The following ABHD18 variants were observed in gnomAD, a reference collection of about 807,000 sequenced individuals.
ABHD18 encodes the protein cardiolipin-specific deacylase, mitochondrial.
In ABHD18, 55 loss-of-function variants were observed where a neutral mutation model predicts 65.9. That is an observed-to-expected ratio of 0.84 (90% CI 0.67 to 1.05). ABHD18 has a LOEUF of 1.05. Ranked by LOEUF, ABHD18 falls within the 50% of genes least tolerant of loss-of-function variation. ABHD18 has a pLI of 0.00. For synonymous variants in ABHD18, 181 were observed against 180.2 expected, an observed-to-expected ratio of 1.00 and a Z score of -0.04; for missense variants, 533 against 558.5, an observed-to-expected ratio of 0.95 and a Z score of 0.46.
At chr4:127,969,935 G>C (rs1016921923) in intron 1 of ABHD18, among the ~76,000 whole-genome samples, 2 of 151,956 alleles carry the variant, frequency 1.3e-5, no homozygotes, top group Admixed American at 1.3e-4. Context: ...TTTTTGTAGA[G>C]ACAGGGTCTC....
At chr4:128,032,475 A>C (rs925088031) in intron 12 of ABHD18, among the ~76,000 whole-genome samples, 9 of 152,202 alleles carry the variant, frequency 5.9e-5, no homozygotes, top group African/African-American at 9.6e-5. Flanking sequence ...TCATGACATC[A>C]GGAGTTCGAG....
chr4:127,971,536 G>T (rs139128790), intron 1 of ABHD18, among the ~76,000 whole-genome samples: 62 of 123,064 alleles, frequency 5.0e-4, no homozygotes, highest in African/African-American at 1.9e-3. Flanking sequence ...TGTCGCTCAG[G>T]CTGGAGTGCA....
intron 1 of ABHD18, among the ~76,000 whole-genome samples, chr4:127,981,630 C>T (rs11942042): frequency 0.026 from 3,987 of 152,186 alleles, 155 homozygotes; most frequent in African/African-American, 0.091. Context: ...TGGTGAACTG[C>T]ACTCAACACT....
chr4:128,032,216 C>G (rs1758315829), intron 12 of ABHD18, among the ~76,000 whole-genome samples: 1 of 152,118 alleles, frequency 6.6e-6, no homozygotes, highest in African/African-American at 2.4e-5. Flanking sequence ...GTTATTATCC[C>G]CTTTACACAG....
intron 12 of ABHD18, chr4:128,030,909 C>T (rs1758115295): frequency 3.4e-6 from 4 of 1,189,714 alleles, no homozygotes; most frequent in Non-Finnish European, 4.2e-6. Flanking sequence ...TATCGTGTGG[C>T]TTTCCCCTCT....
chr4:127,966,962 C>G (rs554973975), intron 1 of ABHD18, among the ~76,000 whole-genome samples: 2 of 151,012 alleles, frequency 1.3e-5, no homozygotes, highest in South Asian at 4.2e-4. Context: ...ATATTTTGTA[C>G]TTGGATTCAG....
chr4:127,992,155 T>A (rs1026418610), intron 4 of ABHD18, among the ~76,000 whole-genome samples: 1 of 152,056 alleles, frequency 6.6e-6, no homozygotes, highest in Admixed American at 6.6e-5. Context: ...AACACTTATC[T>A]GGTAGGGTTG....
At chr4:128,005,376 C>T in intron 4 of ABHD18, among the ~76,000 whole-genome samples, 1 of 152,216 alleles carries the variant, frequency 6.6e-6, no homozygotes, top group Non-Finnish European at 1.5e-5. Context: ...TAGAGGTCAT[C>T]TAGTTTATTA....
chr4:127,994,872 A>G (rs947323486), intron 4 of ABHD18, among the ~76,000 whole-genome samples: 1 of 151,976 alleles, frequency 6.6e-6, no homozygotes, highest in Admixed American at 6.6e-5. Context: ...CATTTTATGT[A>G]TGTATTTATT....
At chr4:128,000,523 T>C (rs979924250) in intron 4 of ABHD18, among the ~76,000 whole-genome samples, 3 of 152,210 alleles carry the variant, frequency 2.0e-5, no homozygotes, top group Non-Finnish European at 4.4e-5. Context: ...CGTGCTGTTT[T>C]GGTTACTATA....
chr4:128,034,459 G>C (rs1758644115), intron 12 of ABHD18, among the ~76,000 whole-genome samples: 1 of 152,064 alleles, frequency 6.6e-6, no homozygotes, highest in Admixed American at 6.6e-5. Context: ...TGTAGTTCCA[G>C]ATACTCAACA....
intron 4 of ABHD18, among the ~76,000 whole-genome samples, chr4:128,004,964 C>G (rs1404248097): frequency 6.6e-6 from 1 of 151,818 alleles, no homozygotes; most frequent in African/African-American, 2.4e-5. Context: ...CGCAGTGGCT[C>G]ACACCTGTAA....
chr4:127,978,298 G>A (rs1748352252), intron 1 of ABHD18, among the ~76,000 whole-genome samples: 1 of 152,032 alleles, frequency 6.6e-6, no homozygotes, highest in African/African-American at 2.4e-5. Context: ...ACAGTAGAGA[G>A]AAAATGTTCC....
intron 6 of ABHD18, chr4:128,009,475 T>G: frequency 4.6e-6 from 1 of 217,878 alleles, no homozygotes; most frequent in Non-Finnish European, 9.0e-6. Context: ...TGTTTGCTAT[T>G]AAGGAAACAA....
chr4:128,025,924 G>A (rs549169806), intron 10 of ABHD18, among the ~76,000 whole-genome samples: 58 of 152,274 alleles, frequency 3.8e-4, no homozygotes, highest in Admixed American at 1.8e-3. Context: ...TTGGGAGGCC[G>A]AGGTGGGCAG....
chr4:128,019,696 G>A (rs1005056051), intron 8 of ABHD18, among the ~76,000 whole-genome samples: 3 of 152,184 alleles, frequency 2.0e-5, no homozygotes, highest in African/African-American at 7.2e-5. Context: ...GGCATACTCA[G>A]TCAACCTCAA....
intron 12 of ABHD18, chr4:128,031,119 A>G: frequency 3.0e-6 from 3 of 988,576 alleles, no homozygotes; most frequent in Non-Finnish European, 3.6e-6. Flanking sequence ...TTTAATGTGA[A>G]CAACCTTATA....
chr4:127,988,931 T>A (rs749752468), intron 3 of ABHD18, among the ~76,000 whole-genome samples: 17 of 152,158 alleles, frequency 1.1e-4, no homozygotes, highest in Non-Finnish European at 1.9e-4. Flanking sequence ...TGGGTATATA[T>A]GAAAAAGAAA....
intron 10 of ABHD18, among the ~76,000 whole-genome samples, chr4:128,024,932 T>C (rs1757116606): frequency 6.6e-6 from 1 of 152,060 alleles, no homozygotes; most frequent in South Asian, 2.1e-4. Context: ...CCTGAGGTGA[T>C]CCTCCCACCT....
Sources: gnomAD v4.1 joint callset for allele counts (sites outside exome capture counted in the v4.1 genomes callset) on GRCh38, gnomAD v4.1.1 for gene constraint, MANE v1.5 for transcripts, NCBI Gene and HGNC (gene_info 2026-07-23, HGNC 2026-07-21) for gene names.